MYEF2: variants seen among roughly 807,000 people sequenced by gnomAD.
MYEF2 encodes the protein myelin gene expression factor 2.
A neutral mutation model predicts 75.2 loss-of-function variants in MYEF2; 37 were observed. The observed-to-expected ratio is 0.49, with a 90% confidence interval of 0.38 to 0.65. The LOEUF is 0.65. MYEF2 is among the 30% of genes least tolerant of loss of function. The probability of loss-of-function intolerance (pLI) is 0.00; values close to 1 mark genes in which losing one functional copy is unlikely to be tolerated. For missense variants in MYEF2, 634 were observed against 771.4 expected (o/e 0.82, Z 2.11); for synonymous variants, 195 against 241.6 (o/e 0.81, Z 1.79).
At chr15:48,165,830 T>TA (rs914805686) in intron 5 of MYEF2, 103 bp downstream of exon 5, 340 of 797,664 alleles carry the variant, frequency 4.3e-4, no homozygotes, top group Non-Finnish European at 5.8e-4. Flanking sequence ...ACCTATGTTT[T>TA]AAAAAAAAGT....
At position 48,152,006 on chromosome 15, in the gene MYEF2, T is replaced by C. The variant is rs1597306401; in HGVS notation, c.1139-64A>G. 4.0e-6 allele frequency: 6 copies of C among 1,505,590 alleles called. No homozygotes were observed. In the South Asian group the frequency reaches 6.8e-5, roughly 17 times the overall value. The allele number at this position is 1,505,590 out of a possible 1,614,324, so 93.3% of individuals were successfully genotyped here. A position where few individuals can be genotyped will look rare whatever the true frequency, so the allele number is the denominator to read the frequency against. Reference sequence around the variant, plus strand: ...TCATGTAGCTGAAAGGTACGTTTTGTAAATGTTAAATCTCACCAGTAAGCT... The same window carrying C: ...TCATGTAGCTGAAAGGTACGTTTTGCAAATGTTAAATCTCACCAGTAAGCT... On this transcript the variant is annotated intron_variant, in intron 11 of 16. Coordinates refer to ENST00000324324, the MANE Select transcript of MYEF2 (RefSeq NM_016132.5).
chr15:48,157,378 C>A (rs2039740306), intron 9 of MYEF2: 2 of 152,080 alleles, frequency 1.3e-5, no homozygotes, highest in Non-Finnish European at 2.9e-5. Context: ...TGTAAATCTA[C>A]TTCAGAATAT....
intron 1 of MYEF2, among the ~76,000 whole-genome samples, chr15:48,175,583 C>G (rs528515692): frequency 6.6e-6 from 1 of 152,006 alleles, no homozygotes; most frequent in Non-Finnish European, 1.5e-5. Context: ...TCAAAATATA[C>G]AATTTTTGTC....
intron 9 of MYEF2, among the ~76,000 whole-genome samples, chr15:48,154,424 T>C (rs1567251262): frequency 6.6e-6 from 1 of 152,162 alleles, no homozygotes; most frequent in Non-Finnish European, 1.5e-5. Flanking sequence ...TCCACATCTA[T>C]TGTCCATAGA....
At chr15:48,170,796 G>A (rs1356157256) in intron 1 of MYEF2, among the ~76,000 whole-genome samples, 2 of 152,086 alleles carry the variant, frequency 1.3e-5, no homozygotes, top group Non-Finnish European at 2.9e-5. Context: ...TATCTGCTTT[G>A]GTATCAGCAG....
intron 7 of MYEF2, 45 bp from the exon 8 acceptor site, chr15:48,158,269 T>C (rs2039782377): frequency 6.4e-7 from 1 of 1,567,812 alleles, no homozygotes; most frequent in Non-Finnish European, 8.8e-7. Context: ...ACTATAAAAT[T>C]ATAACAGAAC....
chr15:48,167,149 G>T (rs1372777110), intron 3 of MYEF2, among the ~76,000 whole-genome samples, 200 bp downstream of exon 3: 2 of 152,022 alleles, frequency 1.3e-5, no homozygotes, highest in African/African-American at 2.4e-5. Flanking sequence ...TGCCCCTTTG[G>T]AGTGTTTACA....
Position 48,151,369 on chromosome 15 carries a change from G to A in MYEF2, c.1306+104C>T, listed in dbSNP as rs1178210588. ...AAGTGTTTTCTTCAGGTAATAAGTTGTATAAAACATTATGATTTTCTGATT... is the reference window on the plus strand; with the variant it reads ...AAGTGTTTTCTTCAGGTAATAAGTTATATAAAACATTATGATTTTCTGATT... On this transcript the variant is annotated intron_variant, in intron 13 of 16. Transcript: ENST00000324324. The A allele has an allele frequency of 1.1e-5, 13 of 1,166,622 alleles. No homozygotes were observed. The Admixed American group carries it at 2.3e-4, about 21-fold the overall frequency. 72.3% of individuals were successfully genotyped at this position (1,166,622 alleles called of 1,614,324 possible). A position where few individuals can be genotyped will look rare whatever the true frequency, so the allele number is the denominator to read the frequency against.
intron 16 of MYEF2, among the ~76,000 whole-genome samples, chr15:48,147,301 A>G (rs2433359): frequency 0.076 from 11,498 of 151,988 alleles, 1,168 homozygotes; most frequent in African/African-American, 0.22. Flanking sequence ...AACCTCAAAC[A>G]GAAAGCAGCC....
rs1002313960 is a variant in MYEF2 at position 48,138,020 on chromosome 15, C to T, written c.*4888G>A. Reference sequence around the variant, plus strand: ...AAAATTTTAAAACATGACTTTTCCCCCTTTTTACAAAAATTTTAGCTTCTA... The same window carrying T: ...AAAATTTTAAAACATGACTTTTCCCTCTTTTTACAAAAATTTTAGCTTCTA... On this transcript the variant is annotated 3_prime_UTR_variant, in exon 17 of 17. Transcript: ENST00000324324. 3 of 151,970 alleles carry T rather than the reference C, an allele frequency of 2.0e-5. No homozygotes were observed. The highest frequency in any genetic ancestry group is 4.4e-5 in the Non-Finnish European group (3 of 67,946). 9.4% of individuals were successfully genotyped at this position (151,970 alleles called of 1,614,324 possible).
intron 16 of MYEF2, among the ~76,000 whole-genome samples, chr15:48,145,133 TAA>T (rs2140803361): frequency 6.6e-6 from 1 of 151,962 alleles, no homozygotes; most frequent in Non-Finnish European, 1.5e-5. Context: ...TTCCCTCAGC[TAA>T]GATACTTCAA....
At chr15:48,170,454 T>C (rs949354711) in intron 1 of MYEF2, among the ~76,000 whole-genome samples, 29 of 152,330 alleles carry the variant, frequency 1.9e-4, no homozygotes, top group Middle Eastern at 3.4e-3. Flanking sequence ...ATAAGTGCTC[T>C]AGTCAATTTA....
Position 48,138,572 on chromosome 15 carries a change from A to C in MYEF2, c.*4336T>G. 1 of 162,712 alleles carries C rather than the reference A, an allele frequency of 6.1e-6. No homozygotes were observed. The highest frequency in any genetic ancestry group is 1.4e-5 in the Non-Finnish European group (1 of 74,062). The allele number at this position is 162,712 out of a possible 1,614,324, so 10.1% of individuals were successfully genotyped here. A position where few individuals can be genotyped will look rare whatever the true frequency, so the allele number is the denominator to read the frequency against. ...TCTGGTACATAGGGCAGGCAGAGGC[A>C]TCATCAATATTATGAAGTGGAGACA... On this transcript the variant is annotated 3_prime_UTR_variant, in exon 17 of 17. Transcript: ENST00000324324.
chr15:48,152,764 G>C (rs1345499745), intron 10 of MYEF2: 1 of 153,286 alleles, frequency 6.5e-6, no homozygotes, highest in African/African-American at 2.4e-5. Context: ...AGGTAGGTGT[G>C]AGAGTCTAAG....
chr15:48,157,589 T>G (rs2039751260), intron 9 of MYEF2: 1 of 240,166 alleles, frequency 4.2e-6, no homozygotes, highest in Non-Finnish European at 6.9e-6. Flanking sequence ...ATGCTTATAC[T>G]CTAATGTTAA....
At chr15:48,165,702 TA>T (rs1314577930) in intron 5 of MYEF2, among the ~76,000 whole-genome samples, 1 of 151,986 alleles carries the variant, frequency 6.6e-6, no homozygotes, top group Non-Finnish European at 1.5e-5. Flanking sequence ...TTTTTTAAAT[TA>T]TGTGCTTTTA....
At chr15:48,161,596 C>T (rs930330035) in intron 5 of MYEF2, among the ~76,000 whole-genome samples, 3 of 151,224 alleles carry the variant, frequency 2.0e-5, no homozygotes, top group African/African-American at 7.3e-5. Flanking sequence ...TTATATAACT[C>T]CAGGGTCTCT....
intron 16 of MYEF2, among the ~76,000 whole-genome samples, chr15:48,146,490 G>C (rs982651733): frequency 6.6e-6 from 1 of 151,904 alleles, no homozygotes; most frequent in Admixed American, 6.6e-5. Flanking sequence ...CAAAGGCTGA[G>C]AAAATGTTCT....
At chr15:48,156,571 G>T (rs1033355624) in intron 9 of MYEF2, among the ~76,000 whole-genome samples, 2 of 150,614 alleles carry the variant, frequency 1.3e-5, no homozygotes, top group African/African-American at 4.9e-5. Context: ...AACAACAGAG[G>T]AAGGCCAGTT....
Sources: gnomAD v4.1 joint callset for allele counts (sites outside exome capture counted in the v4.1 genomes callset) on GRCh38, gnomAD v4.1.1 for gene constraint, MANE v1.5 for transcripts, NCBI Gene and HGNC (gene_info 2026-07-23, HGNC 2026-07-21) for gene names.